EP400: variants seen among roughly 807,000 people sequenced by gnomAD.
EP400 encodes E1A binding protein p400, also known as E1A-binding protein p400.
A neutral mutation model predicts 354.1 loss-of-function variants in EP400; 105 were observed. The ratio of observed to expected loss-of-function variants is 0.30; its 90% CI spans 0.25 to 0.35. The LOEUF (loss-of-function observed/expected upper bound fraction) is 0.35. Among genes scored for constraint, EP400 ranks in the 10% least tolerant of loss-of-function variants. The probability of loss-of-function intolerance (pLI) is 1.00; values close to 1 mark genes in which losing one functional copy is unlikely to be tolerated. For missense variants in EP400, 3,280 were observed against 4,121.0 expected (o/e 0.80, Z 5.59); for synonymous variants, 1,646 against 1,716.9 (o/e 0.96, Z 1.02).
rs957338005 is a variant in EP400, at chr12:132,027,674, C to G, written c.5109+143C>G. 8.1e-6 allele frequency: 6 copies of G among 736,316 alleles called. No individual in the cohort carries two copies. Among genetic ancestry groups the G allele is most frequent in the Non-Finnish European group, 1.3e-5 (6 of 461,498 alleles). The allele number at this position is 736,316 out of a possible 1,614,324, so 45.6% of individuals were successfully genotyped here. ...ATTCTTATTTTAAAACACACATTTT[C>G]TAATAAAATAAATGAAACTGGACTT... On this transcript the variant is annotated intron_variant, in intron 26 of 52. Transcript: ENST00000389561. The surrounding 1 kb of genome is among the most constrained non-coding windows in gnomAD (Gnocchi z 4.9).
chr12:132,024,969 C>G (rs886537047), intron 24 of EP400, among the ~76,000 whole-genome samples: 1 of 152,106 alleles, frequency 6.6e-6, no homozygotes, highest in Non-Finnish European at 1.5e-5. Flanking sequence ...GTAGGGTGAG[C>G]CCACTGACCT....
intron 45 of EP400, among the ~76,000 whole-genome samples, chr12:132,060,495 G>A (rs1895654942): frequency 1.3e-5 from 2 of 152,202 alleles, no homozygotes; most frequent in Non-Finnish European, 2.9e-5. Context: ...AAGACAGATT[G>A]CCTTCAGAGG....
At position 132,021,108 on chromosome 12, in the gene EP400, G is replaced by C; in HGVS notation, c.4477G>C (p.Ala1493Pro). 1.3e-6 allele frequency: 2 copies of C among 1,599,726 alleles called. No homozygotes were observed. Among genetic ancestry groups the C allele is most frequent in the Non-Finnish European group, 1.7e-6 (2 of 1,179,592 alleles). Reference sequence around the variant, plus strand: ...AGCAGCCCCGTTTCAGACCTCTCAGGCTTCCGCCAGTGCTCCACGACACCA... The same window carrying C: ...AGCAGCCCCGTTTCAGACCTCTCAGCCTTCCGCCAGTGCTCCACGACACCA... The part of the protein sequence containing the change: ...AAAAPFQTSQ[A>P]SASAPRHQPA... Residue 1493 changes from alanine (A) to proline (P), a missense_variant, in exon 23 of 53, where the codon GCT becomes CCT. By Grantham distance (27) the Ala-to-Pro change is conservative. Coordinates refer to ENST00000389561, the MANE Select transcript of EP400 (RefSeq NM_015409.5).
chr12:131,991,550 G>T, intron 10 of EP400, 94 bp downstream of exon 10: 2 of 1,120,174 alleles, frequency 1.8e-6, no homozygotes, highest in Non-Finnish European at 2.7e-6. Context: ...GAATTTGTAG[G>T]CTGTGACTAT....
chr12:131,969,899 A>T (rs1487563320), intron 2 of EP400, among the ~76,000 whole-genome samples: 1 of 152,146 alleles, frequency 6.6e-6, no homozygotes, highest in Non-Finnish European at 1.5e-5. Context: ...ACACAAAAAA[A>T]TGAGCTGGGT....
chr12:131,982,602 A>G (rs1337861080), intron 5 of EP400, 124 bp downstream of exon 5: 1 of 1,172,070 alleles, frequency 8.5e-7, no homozygotes, highest in Non-Finnish European at 1.2e-6. Context: ...TTGCTCCCCC[A>G]ATTTAGAACA....
At position 132,013,695 on chromosome 12, in the gene EP400, A is replaced by G; in HGVS notation, c.3786+31A>G. The G allele has an allele frequency of 6.2e-7, 1 of 1,604,672 alleles. No individual in the cohort carries two copies. Among genetic ancestry groups the G allele is most frequent in the Middle Eastern group, 1.7e-4 (1 of 6,012 alleles). On this transcript the variant is annotated intron_variant, in intron 18 of 52. Coordinates refer to ENST00000389561, the MANE Select transcript of EP400 (RefSeq NM_015409.5). The surrounding 1 kb of genome is among the most constrained non-coding windows in gnomAD (Gnocchi z 4.5). ...TTGGGTTCTGCCATTTCAGTTAATT[A>G]ATTAAACATGCGTATGCCTTGTTAT... is the stretch of plus-strand genomic sequence containing the variant.
Position 132,050,784 on chromosome 12 carries a change from C to G in EP400, c.7394+129C>G. The G allele has an allele frequency of 2.6e-6, 3 of 1,142,582 alleles. No individual in the cohort carries two copies. Among genetic ancestry groups the G allele is most frequent in the Non-Finnish European group, 3.9e-6 (3 of 769,814 alleles). The allele number at this position is 1,142,582 out of a possible 1,614,324, so 70.8% of individuals were successfully genotyped here. A position where few individuals can be genotyped will look rare whatever the true frequency, so the allele number is the denominator to read the frequency against. ...CAGGCATCAGCTGGACGTGGCAGTG[C>G]GCAGAACCTGCAGGAGAGAGGTGCT... is the stretch of plus-strand genomic sequence containing the variant. On this transcript the variant is annotated intron_variant, in intron 41 of 52. Coordinates refer to ENST00000389561, the MANE Select transcript of EP400 (RefSeq NM_015409.5). The surrounding 1 kb of genome is among the most constrained non-coding windows in gnomAD (Gnocchi z 4.8).
intron 51 of EP400, among the ~76,000 whole-genome samples, chr12:132,074,076 C>A (rs1405604359): frequency 6.6e-6 from 1 of 151,702 alleles, no homozygotes; most frequent in Non-Finnish European, 1.5e-5. Context: ...AGGCACACAC[C>A]ACCATGCCCA....
At chr12:131,987,648 TTGG>T in intron 6 of EP400, 54 bp from the exon 7 acceptor site, 1 of 1,461,902 alleles carries the variant, frequency 6.8e-7, no homozygotes, top group Non-Finnish European at 9.2e-7. Context: ...GGGGTCTGAG[TTGG>T]TGGAACACAC....
intron 2 of EP400, among the ~76,000 whole-genome samples, chr12:131,966,562 C>CAAAAAAA (rs534384776): frequency 3.8e-4 from 22 of 57,512 alleles, no homozygotes; most frequent in African/African-American, 1.1e-3. Flanking sequence ...TACCCTACCT[C>CAAAAAAA]AAAAAAAAAA....
intron 15 of EP400, 98 bp from the exon 16 acceptor site, chr12:132,011,400 A>G (rs1893759535): frequency 1.4e-6 from 2 of 1,454,388 alleles, no homozygotes; most frequent in Admixed American, 2.1e-5. Flanking sequence ...CATGTGACAC[A>G]TACTCATACT....
intron 30 of EP400, among the ~76,000 whole-genome samples, chr12:132,034,749 G>C (rs867651151): frequency 6.6e-6 from 1 of 152,246 alleles, no homozygotes; most frequent in Non-Finnish European, 1.5e-5. Context: ...GAGGGGCTTG[G>C]AGTGCTGCTC....
intron 35 of EP400, 138 bp downstream of exon 35, chr12:132,044,449 C>A: frequency 7.6e-7 from 1 of 1,318,922 alleles, no homozygotes; most frequent in Non-Finnish European, 1.0e-6. Flanking sequence ...ATCAACACAA[C>A]CTCACTTATG....
rs781406640 is a variant in EP400, at chr12:131,994,982, A to G, written c.2827+26A>G. ...GTAGGCTGTTGCTACCTTATTAAAC[A>G]TTCAGTAAGTAAAAAGAAACATTTA... On this transcript the variant is annotated intron_variant, in intron 12 of 52. Coordinates refer to ENST00000389561, the MANE Select transcript of EP400 (RefSeq NM_015409.5). The surrounding 1 kb of genome is among the most constrained non-coding windows in gnomAD (Gnocchi z 4.6). The G allele has an allele frequency of 6.3e-7, 1 of 1,593,896 alleles. No homozygotes were observed. Among genetic ancestry groups the G allele is most frequent in the Non-Finnish European group, 8.6e-7 (1 of 1,162,922 alleles).
intron 6 of EP400, 55 bp from the exon 7 acceptor site, chr12:131,987,650 G>C: frequency 6.8e-7 from 1 of 1,465,900 alleles, no homozygotes; most frequent in South Asian, 1.4e-5. Context: ...GGTCTGAGTT[G>C]GTGGAACACA....
chr12:132,077,273 T>A, intron 52 of EP400, 128 bp from the exon 53 acceptor site: 1 of 1,209,036 alleles, frequency 8.3e-7, no homozygotes, highest in Non-Finnish European at 1.2e-6. Context: ...TGACTGGTCA[T>A]TCTTCCGTGT....
In EP400 at chr12:132,018,118, A is replaced by G. The variant is rs2136539214; in HGVS notation, c.4111-92A>G. 2 of 1,534,896 alleles carry G rather than the reference A, an allele frequency of 1.3e-6. No homozygotes were observed. Among genetic ancestry groups the G allele is most frequent in the South Asian group, 1.2e-5 (1 of 83,160 alleles). ...TTAGAGGGGGCGCGTCTGGATGCCC[A>G]CGTTAGGGCCCTGCCATAGAAATCA... is the stretch of plus-strand genomic sequence containing the variant. On this transcript the variant is annotated intron_variant, in intron 20 of 52. Coordinates refer to ENST00000389561, the MANE Select transcript of EP400 (RefSeq NM_015409.5). The surrounding 1 kb of genome is among the most constrained non-coding windows in gnomAD (Gnocchi z 4.0).
chr12:132,013,200 C>G lies in EP400; in HGVS notation c.3611+22C>G. ...AGAGGTCTGTGTGTTACGCGCTTGTCATTGAGTGTTCTTTGCTGTTGATGT... is the reference window on the plus strand; with the variant it reads ...AGAGGTCTGTGTGTTACGCGCTTGTGATTGAGTGTTCTTTGCTGTTGATGT... On this transcript the variant is annotated intron_variant, in intron 17 of 52. Coordinates refer to ENST00000389561, the MANE Select transcript of EP400 (RefSeq NM_015409.5). The surrounding 1 kb of genome is among the most constrained non-coding windows in gnomAD (Gnocchi z 4.5). The G allele has an allele frequency of 6.3e-7, 1 of 1,588,698 alleles. No homozygotes were observed. Among genetic ancestry groups the G allele is most frequent in the Non-Finnish European group, 8.6e-7 (1 of 1,163,336 alleles).
Sources: gnomAD v4.1 joint callset for allele counts (sites outside exome capture counted in the v4.1 genomes callset) on GRCh38, gnomAD v4.1.1 for gene constraint, Gnocchi (gnomAD v3.1) non-coding constraint, MANE v1.5 for transcripts, NCBI Gene and HGNC (gene_info 2026-07-23, HGNC 2026-07-21) for gene names.